MCTP1: variants seen among roughly 807,000 people sequenced by gnomAD.
MCTP1 encodes the protein multiple C2 and transmembrane domain-containing protein 1.
Under a neutral mutation model 120.6 loss-of-function variants are expected in MCTP1, and 69 were observed. The observed-to-expected ratio is 0.57, with a 90% CI of 0.47 to 0.70. The LOEUF (loss-of-function observed/expected upper bound fraction) is 0.70. MCTP1 is among the 30% of genes least tolerant of loss of function. The probability of loss-of-function intolerance (pLI) is 0.00; values close to 1 mark genes in which losing one functional copy is unlikely to be tolerated. For missense variants in MCTP1, 1,203 were observed against 1,248.8 expected (o/e 0.96, Z 0.55); for synonymous variants, 529 against 493.1 (o/e 1.07, Z -0.96).
intron 1 of MCTP1, among the ~76,000 whole-genome samples, chr5:95,061,216 G>A (rs1206731913): frequency 6.6e-6 from 1 of 150,690 alleles, no homozygotes; most frequent in Non-Finnish European, 1.5e-5. Context: ...AAGACTTAAG[G>A]AACCAAATAA....
At chr5:95,202,758 T>A (rs538514985) in intron 1 of MCTP1, among the ~76,000 whole-genome samples, 126 of 152,178 alleles carry the variant, frequency 8.3e-4, no homozygotes, top group African/African-American at 2.9e-3. Context: ...GATGGAGTCT[T>A]GCTCTGTTGC....
intron 1 of MCTP1, among the ~76,000 whole-genome samples, chr5:95,123,892 G>A (rs1024912668): frequency 4.6e-5 from 7 of 151,956 alleles, no homozygotes; most frequent in South Asian, 2.1e-4. Context: ...CTCATGATCC[G>A]CCCGCCTCGG....
At chr5:94,731,469 G>A (rs900965372) in intron 19 of MCTP1, among the ~76,000 whole-genome samples, 1 of 152,094 alleles carries the variant, frequency 6.6e-6, no homozygotes, top group Non-Finnish European at 1.5e-5. Context: ...ATTTGTTACT[G>A]TAATTATCTG....
At chr5:94,727,373 T>C (rs920803359) in intron 19 of MCTP1, among the ~76,000 whole-genome samples, 1 of 152,212 alleles carries the variant, frequency 6.6e-6, no homozygotes, top group African/African-American at 2.4e-5. Context: ...ATAGAAGATA[T>C]GAGCCACCTT....
intron 1 of MCTP1, among the ~76,000 whole-genome samples, chr5:95,138,235 C>G (rs920301830): frequency 2.7e-5 from 4 of 148,958 alleles, no homozygotes; most frequent in African/African-American, 7.4e-5. Flanking sequence ...GAGATGCAAC[C>G]CCCCCCCGAC....
chr5:94,746,232 A>G (rs1766863051), intron 19 of MCTP1, among the ~76,000 whole-genome samples: 1 of 152,186 alleles, frequency 6.6e-6, no homozygotes, highest in South Asian at 2.1e-4. Context: ...AACACTGGGT[A>G]GACAATATCC....
chr5:95,185,508 G>A (rs1403792637), intron 1 of MCTP1, among the ~76,000 whole-genome samples: 1 of 152,188 alleles, frequency 6.6e-6, no homozygotes, highest in East Asian at 1.9e-4. Flanking sequence ...CTCAGGCCAG[G>A]TGCAGTGGCT....
rs966547886 is a variant in MCTP1 at position 95,208,961 on chromosome 5, A to T, written c.720+74895T>A. Among the ~76,000 whole-genome samples, 4 of 152,110 alleles carry T rather than the reference A, an allele frequency of 2.6e-5. 1 individual carries two copies. Among genetic ancestry groups the T allele is most frequent in the Admixed American group, 6.6e-5 (1 of 15,260 alleles). ...TTTCTTCTCATGACCCTGTTCTGTC[A>T]TCTCTTTGCCTTTCTTCTCCTGCAA... On this transcript the variant is annotated intron_variant, in intron 1 of 22. Coordinates refer to ENST00000515393, the MANE Select transcript of MCTP1 (RefSeq NM_024717.7).
At chr5:95,006,662 G>T (rs140037442) in intron 2 of MCTP1, among the ~76,000 whole-genome samples, 1 of 152,068 alleles carries the variant, frequency 6.6e-6, no homozygotes, top group Non-Finnish European at 1.5e-5. Flanking sequence ...CTCATTAAAG[G>T]CTGCATAAAT....
intron 19 of MCTP1, among the ~76,000 whole-genome samples, chr5:94,752,097 TTAAA>T (rs781537757): frequency 2.6e-5 from 2 of 77,374 alleles, no homozygotes; most frequent in Admixed American, 1.6e-4. Context: ...ACCCTAAAAC[TTAAA>T]TAATAAAATA....
chr5:95,107,617 T>A (rs1338529059), intron 1 of MCTP1, among the ~76,000 whole-genome samples: 1 of 152,234 alleles, frequency 6.6e-6, no homozygotes, highest in Non-Finnish European at 1.5e-5. Flanking sequence ...GCCTCCACTT[T>A]TCTGAGTCTC....
At chr5:94,810,540 T>A (rs531549179) in intron 17 of MCTP1, among the ~76,000 whole-genome samples, 2 of 152,304 alleles carry the variant, frequency 1.3e-5, no homozygotes, top group East Asian at 3.9e-4. Flanking sequence ...GCCAAACACA[T>A]GTTAGTAAAG....
At chr5:95,273,700 T>C (rs1014637616) in intron 1 of MCTP1, among the ~76,000 whole-genome samples, 1 of 152,202 alleles carries the variant, frequency 6.6e-6, no homozygotes, top group Non-Finnish European at 1.5e-5. Context: ...TTAGAGTACA[T>C]AGGTGACAAT....
At chr5:95,024,497 A>G (rs1450110581) in intron 1 of MCTP1, among the ~76,000 whole-genome samples, 1 of 152,176 alleles carries the variant, frequency 6.6e-6, no homozygotes, top group Admixed American at 6.5e-5. Flanking sequence ...GTCCATAGCT[A>G]ACATCATGCT....
At chr5:94,727,325 T>C (rs1762321206) in intron 19 of MCTP1, among the ~76,000 whole-genome samples, 1 of 152,164 alleles carries the variant, frequency 6.6e-6, no homozygotes, top group African/African-American at 2.4e-5. Context: ...AAGCTGCACT[T>C]ATTATTTTTT....
chr5:95,273,123 T>C (rs960167059), intron 1 of MCTP1, among the ~76,000 whole-genome samples: 5 of 152,254 alleles, frequency 3.3e-5, no homozygotes, highest in African/African-American at 1.2e-4. Context: ...CCAGAGCTTG[T>C]CTCTAAAATC....
chr5:94,901,787 C>T (rs1805617581), intron 10 of MCTP1, among the ~76,000 whole-genome samples: 1 of 152,190 alleles, frequency 6.6e-6, no homozygotes, highest in Non-Finnish European at 1.5e-5. Flanking sequence ...TGACTCATAA[C>T]ATTCCTTTCT....
intron 12 of MCTP1, among the ~76,000 whole-genome samples, chr5:94,888,654 G>A (rs1409623049): frequency 6.6e-6 from 1 of 152,172 alleles, no homozygotes; most frequent in Non-Finnish European, 1.5e-5. Context: ...CAATTCAAAA[G>A]TCATTTTGTT....
intron 19 of MCTP1, among the ~76,000 whole-genome samples, chr5:94,771,028 C>T (rs776164712): frequency 3.3e-5 from 5 of 152,214 alleles, no homozygotes; most frequent in Non-Finnish European, 7.3e-5. Flanking sequence ...TGCCTCAAAA[C>T]TACTCCATAA....
Sources: gnomAD v4.1 joint callset for allele counts (sites outside exome capture counted in the v4.1 genomes callset) on GRCh38, gnomAD v4.1.1 for gene constraint, MANE v1.5 for transcripts, NCBI Gene and HGNC (gene_info 2026-07-23, HGNC 2026-07-21) for gene names.